The following PLPP4 variants were observed in gnomAD, a reference collection of about 807,000 sequenced individuals.
The protein encoded by PLPP4 is diacylglycerol pyrophosphate like 2.
PLPP4 carries 20 observed loss-of-function variants against 32.2 expected under a neutral mutation model. The observed-to-expected ratio is 0.62, with a 90% CI of 0.44 to 0.90. The LOEUF is 0.90. Among genes scored for constraint, PLPP4 ranks in the 40% least tolerant of loss-of-function variants. The pLI is 0.00. For synonymous variants in PLPP4, 127 were observed against 133.0 expected (o/e 0.95, Z 0.31); for missense variants, 257 against 353.1 (o/e 0.73, Z 2.18).
At chr10:120,542,004 C>T (rs1350159471) in intron 5 of PLPP4, among the ~76,000 whole-genome samples, 1 of 152,186 alleles carries the variant, frequency 6.6e-6, no homozygotes, top group East Asian at 1.9e-4. Context: ...TCTCAAACTC[C>T]TGACCTCGTG....
intron 5 of PLPP4, among the ~76,000 whole-genome samples, chr10:120,524,501 G>A (rs1846303975): frequency 6.6e-6 from 1 of 152,148 alleles, no homozygotes. Context: ...ATTGGCGGCT[G>A]GAATGAAGTC....
chr10:120,483,593 T>G (rs1332396834), intron 1 of PLPP4, among the ~76,000 whole-genome samples: 3 of 152,214 alleles, frequency 2.0e-5, no homozygotes, highest in Admixed American at 2.0e-4. Context: ...ATTTGAATAT[T>G]TGACTCCTCC....
At chr10:120,582,592 A>G (rs192031012) in intron 6 of PLPP4, among the ~76,000 whole-genome samples, 329 of 152,324 alleles carry the variant, frequency 2.2e-3, no homozygotes, top group Non-Finnish European at 3.5e-3. Flanking sequence ...TAAATTTATA[A>G]CAGTCTTCAA....
Position 120,538,024 on chromosome 10 carries a change from C to G in PLPP4, c.445+16929C>G, listed in dbSNP as rs1179624192. Among the ~76,000 whole-genome samples, 73 of 55,586 alleles carry G rather than the reference C, an allele frequency of 1.3e-3. 14 individuals are homozygous for G. Among genetic ancestry groups the G allele is most frequent in the East Asian group, 3.1e-3 (7 of 2,226 alleles). 36.5% of individuals were successfully genotyped at this position (55,586 alleles called of 152,430 possible). On this transcript the variant is annotated intron_variant, in intron 5 of 6. Transcript: ENST00000398250. The stretch of plus-strand genomic sequence containing the variant: ...TCTCTCTCTCTCTCTCTCTCTCTCT[C>G]TCTCTCTCTCTCTCTCTCTCTCTCT...
In PLPP4 at chr10:120,457,502, A is replaced by G. The variant is rs1589695168; in HGVS notation, c.56+141A>G. The G allele has an allele frequency of 7.8e-6, 5 of 639,120 alleles. No homozygotes were observed. The South Asian group carries it at 1.2e-4, about 15-fold the overall frequency. The allele number at this position is 639,120 out of a possible 1,614,324, so 39.6% of individuals were successfully genotyped here. A position where few individuals can be genotyped will look rare whatever the true frequency, so the allele number is the denominator to read the frequency against. On this transcript the variant is annotated intron_variant, in intron 1 of 6. Coordinates refer to ENST00000398250, the MANE Select transcript of PLPP4 (RefSeq NM_001030059.3). ...GTCCCTTCCCCGCCAAGTGCCCGCA[A>G]CGTGTCCTACGGGACCAAGAGAGAC...
At chr10:120,502,762 G>A (rs578212075) in intron 1 of PLPP4, among the ~76,000 whole-genome samples, 1 of 152,340 alleles carries the variant, frequency 6.6e-6, no homozygotes, top group Admixed American at 6.5e-5. Context: ...GTTTGCTCAA[G>A]ACTGAGGGGT....
At chr10:120,542,041 G>A (rs759133834) in intron 5 of PLPP4, among the ~76,000 whole-genome samples, 8 of 152,212 alleles carry the variant, frequency 5.3e-5, no homozygotes, top group Non-Finnish European at 1.0e-4. Flanking sequence ...TTGAAAGTCA[G>A]TGTGTACTTC....
rs182616824 is a variant in PLPP4, at chr10:120,485,148, C to T, written c.57-18670C>T. Among the ~76,000 whole-genome samples the T allele has an allele frequency of 1.1e-4, 17 of 152,328 alleles. No individual in the cohort carries two copies. The East Asian group carries it at 3.3e-3, about 29-fold the overall frequency. ...TGCATCAGACTTTTGACTTCCAGAA[C>T]TTGTGTTACTTAAAGCCACTATGTT... is the stretch of plus-strand genomic sequence containing the variant. On this transcript the variant is annotated intron_variant, in intron 1 of 6. Coordinates refer to ENST00000398250, the MANE Select transcript of PLPP4 (RefSeq NM_001030059.3).
Position 120,575,140 on chromosome 10 carries a change from CG to C in PLPP4, c.458del (p.Gly153AlafsTer38). 6.2e-7 allele frequency: 1 copy of C among 1,612,706 alleles called. No homozygotes were observed. The highest frequency in any genetic ancestry group is 8.5e-7 in the Non-Finnish European group (1 of 1,179,266). On this transcript the variant is annotated frameshift_variant, in exon 6 of 7. Coordinates refer to ENST00000398250, the MANE Select transcript of PLPP4 (RefSeq NM_001030059.3). LOFTEE classifies it high-confidence loss of function. ...FPSIHSSFAF[S>X]GLGFTTFYLA... ...TGTTTCTGTTTGGCAGTTGCCTTTT[CG>C]GGCCTTGGCTTCACGACGTTCTACT...
chr10:120,477,227 T>C (rs1239894911), intron 1 of PLPP4, among the ~76,000 whole-genome samples: 1 of 104,974 alleles, frequency 9.5e-6, no homozygotes, highest in Non-Finnish European at 2.1e-5. Flanking sequence ...TGCTTTGAAT[T>C]AATCCAGAAC....
chr10:120,556,132 A>G (rs1007953463), intron 5 of PLPP4, among the ~76,000 whole-genome samples: 5 of 152,202 alleles, frequency 3.3e-5, no homozygotes. Flanking sequence ...TTTACTTTAA[A>G]TGTATATGTA....
At chr10:120,554,258 A>G (rs940363912) in intron 5 of PLPP4, among the ~76,000 whole-genome samples, 3 of 152,346 alleles carry the variant, frequency 2.0e-5, no homozygotes, top group African/African-American at 7.2e-5. Flanking sequence ...GAGCAGGGGC[A>G]CAAGTCTGCC....
intron 5 of PLPP4, among the ~76,000 whole-genome samples, chr10:120,544,520 C>T (rs760989840): frequency 6.6e-6 from 1 of 152,192 alleles, no homozygotes; most frequent in Non-Finnish European, 1.5e-5. Flanking sequence ...CTCACACCCC[C>T]ACCTTCTAGG....
chr10:120,534,864 C>G (rs1195600616), intron 5 of PLPP4, among the ~76,000 whole-genome samples: 1 of 152,164 alleles, frequency 6.6e-6, no homozygotes, highest in African/African-American at 2.4e-5. Flanking sequence ...TCCATCCCTT[C>G]CTGAGGCGTG....
Position 120,488,231 on chromosome 10 carries a change from A to G in PLPP4, c.57-15587A>G, listed in dbSNP as rs1375619504. On this transcript the variant is annotated intron_variant, in intron 1 of 6. Transcript: ENST00000398250. ...GCCCCCCTTGAGTGGTTTATAAAGCATTTTCACATTTATTATCTTATTTGA... is the reference window on the plus strand; with the variant it reads ...GCCCCCCTTGAGTGGTTTATAAAGCGTTTTCACATTTATTATCTTATTTGA... Among the ~76,000 whole-genome samples, 3 of 152,300 alleles carry G rather than the reference A, an allele frequency of 2.0e-5. No individual in the cohort carries two copies. The East Asian group carries it at 5.8e-4, about 29-fold the overall frequency.
chr10:120,550,974 A>T (rs1722270650), intron 5 of PLPP4, among the ~76,000 whole-genome samples: 1 of 152,110 alleles, frequency 6.6e-6, no homozygotes, highest in African/African-American at 2.4e-5. Flanking sequence ...GCTGAAAGAA[A>T]ATATTTACAG....
intron 5 of PLPP4, among the ~76,000 whole-genome samples, chr10:120,569,351 C>T (rs1464733297): frequency 6.6e-6 from 1 of 152,204 alleles, no homozygotes; most frequent in African/African-American, 2.4e-5. Context: ...CCACCTTCCT[C>T]CCGCTATCAT....
intron 5 of PLPP4, among the ~76,000 whole-genome samples, chr10:120,547,260 CATTT>C (rs1347239538): frequency 2.0e-5 from 3 of 151,550 alleles, no homozygotes; most frequent in Non-Finnish European, 4.4e-5. Flanking sequence ...CAAAGAAAGG[CATTT>C]ATTTCAAAGA....
At chr10:120,503,209 G>C (rs1291778893) in intron 1 of PLPP4, among the ~76,000 whole-genome samples, 1 of 152,202 alleles carries the variant, frequency 6.6e-6, no homozygotes, top group African/African-American at 2.4e-5. Flanking sequence ...AGCCCCAAAT[G>C]ACTTGGCTTC....
Sources: gnomAD v4.1 joint callset for allele counts (sites outside exome capture counted in the v4.1 genomes callset) on GRCh38, gnomAD v4.1.1 for gene constraint, MANE v1.5 for transcripts, NCBI Gene and HGNC (gene_info 2026-07-23, HGNC 2026-07-21) for gene names.